OR4K17: variants seen among roughly 807,000 people sequenced by gnomAD.
The protein encoded by OR4K17 is olfactory receptor 4K17.
For synonymous variants in OR4K17, 157 were observed against 132.8 expected (o/e 1.18, Z -1.25); for missense variants, 480 against 366.3 (o/e 1.31, Z -2.53).
chr14:20,117,877 T>C lies in OR4K17; in HGVS notation c.378T>C (p.Ile126=). The change falls in exon 2 of 2, where the codon ATT becomes ATC. Residue 126 remains isoleucine (I), a synonymous_variant. Coordinates refer to ENST00000641386, the MANE Select transcript of OR4K17 (RefSeq NM_001004715.5). The part of the protein sequence containing the change: ...VSMAFDRYVA[I]CKPLHYMTIM... ...TGGCTTTTGACAGATATGTGGCCAT[T>C]TGTAAGCCCCTACACTACATGACCA... The C allele has an allele frequency of 6.2e-7, 1 of 1,614,010 alleles. No homozygotes were observed.
chr14:20,117,362 C>G, intron 1 of OR4K17, 106 bp from the exon 2 acceptor site: 2 of 1,330,906 alleles, frequency 1.5e-6, no homozygotes, highest in Non-Finnish European at 2.1e-6. Flanking sequence ...TTTCAAGGTC[C>G]GTTTATTGAA....
intron 1 of OR4K17, among the ~76,000 whole-genome samples, chr14:20,115,498 A>T (rs1458396570): frequency 4.6e-5 from 7 of 152,100 alleles, no homozygotes; most frequent in African/African-American, 1.7e-4. Flanking sequence ...ATTACATCCT[A>T]TAATTTTCTA....
intron 1 of OR4K17, among the ~76,000 whole-genome samples, chr14:20,113,819 G>A (rs183492675): frequency 8.6e-5 from 13 of 151,944 alleles, no homozygotes; most frequent in Middle Eastern, 3.4e-3. Context: ...GAAGCCAGTC[G>A]TATAGCTCTT....
Position 20,119,992 on chromosome 14 carries a change from A to C in OR4K17, c.*1554A>C, listed in dbSNP as rs1356898628. On this transcript the variant is annotated 3_prime_UTR_variant, in exon 2 of 2. Transcript: ENST00000641386. ...TCAAGATTATTTTTAATGCAGCACC[A>C]AAAATAATAAATTATTGATTTTTAA... 1.3e-5 allele frequency: 2 copies of C among 152,228 alleles called. No individual in the cohort carries two copies. The highest frequency in any genetic ancestry group is 2.4e-5 in the African/African-American group (1 of 41,464). 9.4% of individuals were successfully genotyped at this position (152,228 alleles called of 1,614,324 possible).
chr14:20,117,713 A>G lies in OR4K17; in HGVS notation c.214A>G (p.Thr72Ala). The G allele has an allele frequency of 6.2e-7, 1 of 1,613,922 alleles. No individual in the cohort carries two copies. Among genetic ancestry groups the G allele is most frequent in the Non-Finnish European group, 8.5e-7 (1 of 1,179,962 alleles). ...LLGNLSFVDM[T>A]LASFATPKVI... ...TGGTAATCTCTCTTTTGTAGATATG[A>G]CCCTTGCTTCTTTTGCCACCCCTAA... Residue 72 changes from threonine (T) to alanine (A), a missense_variant, in exon 2 of 2, where the codon ACC (threonine) becomes GCC (alanine). Thr to Ala is a moderately conservative substitution (Grantham distance 58, BLOSUM62 0). Coordinates refer to ENST00000641386, the MANE Select transcript of OR4K17 (RefSeq NM_001004715.5).
chr14:20,115,386 A>G (rs995544856), intron 1 of OR4K17, among the ~76,000 whole-genome samples: 5 of 152,130 alleles, frequency 3.3e-5, no homozygotes, highest in African/African-American at 4.8e-5. Context: ...TGCTTATACA[A>G]TGTTTACAAA....
Position 20,121,195 on chromosome 14 carries a change from C to T in OR4K17, c.*2757C>T, listed in dbSNP as rs1878159536. The T allele has an allele frequency of 6.6e-6, 1 of 152,094 alleles. No individual in the cohort carries two copies. Among genetic ancestry groups the T allele is most frequent in the Non-Finnish European group, 1.5e-5 (1 of 68,028 alleles). The allele number at this position is 152,094 out of a possible 1,614,324, so 9.4% of individuals were successfully genotyped here. On this transcript the variant is annotated 3_prime_UTR_variant, in exon 2 of 2. Coordinates refer to ENST00000641386, the MANE Select transcript of OR4K17 (RefSeq NM_001004715.5). ...TTAAGACAACAAGAAACACCAAAAA[C>T]CAAAAGGGAGTATCACCATGAAAGG...
At position 20,118,081 on chromosome 14, in the gene OR4K17, T is replaced by G; in HGVS notation, c.582T>G (p.Phe194Leu). ...AGCTTGCCTGTATAGACATATATTTTGTACAGGTAGTCATTGTTGCCAACA... is the reference window on the plus strand; with the variant it reads ...AGCTTGCCTGTATAGACATATATTTGGTACAGGTAGTCATTGTTGCCAACA... ...VTKLACIDIYFVQVVIVANSG... is the reference protein window; with the variant it reads ...VTKLACIDIYLVQVVIVANSG... The change falls in exon 2 of 2, where the codon TTT (phenylalanine) becomes TTG (leucine). Residue 194 changes from phenylalanine (F) to leucine (L), a missense_variant. By Grantham distance (22) the Phe-to-Leu change is conservative. Transcript: ENST00000641386. The G allele has an allele frequency of 6.2e-7, 1 of 1,614,174 alleles. No individual in the cohort carries two copies. Among genetic ancestry groups the G allele is most frequent in the South Asian group, 1.1e-5 (1 of 91,088 alleles).
chr14:20,118,083 T>C lies in OR4K17; in HGVS notation c.584T>C (p.Val195Ala), dbSNP rs1346710438. The C allele has an allele frequency of 2.5e-6, 4 of 1,614,052 alleles. No homozygotes were observed. Among genetic ancestry groups the C allele is most frequent in the Non-Finnish European group, 8.5e-7 (1 of 1,180,026 alleles). The change falls in exon 2 of 2, where the codon GTA becomes GCA. Residue 195 changes from valine (V) to alanine (A), a missense_variant. Coordinates refer to ENST00000641386, the MANE Select transcript of OR4K17 (RefSeq NM_001004715.5). The part of the protein sequence containing the change: ...TKLACIDIYF[V>A]QVVIVANSGI... The stretch of plus-strand genomic sequence containing the variant: ...CTTGCCTGTATAGACATATATTTTG[T>C]ACAGGTAGTCATTGTTGCCAACAGT...
Position 20,117,885 on chromosome 14 carries a change from C to T in OR4K17, c.386C>T (p.Pro129Leu), listed in dbSNP as rs1878044562. The change falls in exon 2 of 2, where the codon CCC (proline) becomes CTC (leucine). Residue 129 changes from proline to leucine, a missense_variant. Coordinates refer to ENST00000641386, the MANE Select transcript of OR4K17 (RefSeq NM_001004715.5). ...AFDRYVAICKPLHYMTIMNKK... is the reference protein window; with the variant it reads ...AFDRYVAICKLLHYMTIMNKK... ...GACAGATATGTGGCCATTTGTAAGC[C>T]CCTACACTACATGACCATCATGAAC... The T allele has an allele frequency of 6.2e-7, 1 of 1,613,770 alleles. No individual in the cohort carries two copies. The highest frequency in any genetic ancestry group is 1.3e-5 in the African/African-American group (1 of 74,848).
intron 1 of OR4K17, chr14:20,112,201 T>G (rs530622708): frequency 6.6e-6 from 1 of 152,156 alleles, no homozygotes; most frequent in African/African-American, 2.4e-5. Flanking sequence ...ATTTCAGAAA[T>G]TAAATATTAG....
Position 20,118,501 on chromosome 14 carries a change from G to C in OR4K17, c.*63G>C. ...GATGCCTGTAATCCCCACACTTTGG[G>C]AGGAATATCAGGGGAACCAGCCCCC... On this transcript the variant is annotated 3_prime_UTR_variant, in exon 2 of 2. Coordinates refer to ENST00000641386, the MANE Select transcript of OR4K17 (RefSeq NM_001004715.5). The C allele has an allele frequency of 2.1e-6, 2 of 942,068 alleles. No individual in the cohort carries two copies. The highest frequency in any genetic ancestry group is 1.7e-5 in the South Asian group (1 of 59,170). 58.4% of individuals were successfully genotyped at this position (942,068 alleles called of 1,614,324 possible). A position where few individuals can be genotyped will look rare whatever the true frequency, so the allele number is the denominator to read the frequency against.
At position 20,118,350 on chromosome 14, in the gene OR4K17, C is replaced by T. The variant is rs748536763; in HGVS notation, c.851C>T (p.Pro284Leu). Reference sequence around the variant, plus strand: ...ACCATCATCACTCCTATCTTGAATCCAATTATCTATACTCTGAGAAACAAA... The same window carrying T: ...ACCATCATCACTCCTATCTTGAATCTAATTATCTATACTCTGAGAAACAAA... ...FYTIITPILN[P>L]IIYTLRNKEM... The change falls in exon 2 of 2, where the codon CCA becomes CTA. Residue 284 changes from proline to leucine, a missense_variant. Transcript: ENST00000641386. 80 of 1,611,318 alleles carry T rather than the reference C, an allele frequency of 5.0e-5. No individual in the cohort carries two copies. The highest frequency in any genetic ancestry group is 5.9e-5 in the Non-Finnish European group (70 of 1,177,734).
chr14:20,116,252 G>T (rs1877988385), intron 1 of OR4K17, among the ~76,000 whole-genome samples: 1 of 152,010 alleles, frequency 6.6e-6, no homozygotes, highest in South Asian at 2.1e-4. Context: ...CAGAATACAT[G>T]ACTTTCAATC....
intron 1 of OR4K17, among the ~76,000 whole-genome samples, chr14:20,113,407 G>A (rs1245399181): frequency 6.6e-6 from 1 of 151,964 alleles, no homozygotes; most frequent in African/African-American, 2.4e-5. Context: ...TTGGTGTCAT[G>A]AAGTCCTGAA....
chr14:20,121,657 A>C lies in OR4K17; in HGVS notation c.*3219A>C, dbSNP rs191011770. 6.6e-6 allele frequency: 1 copy of C among 152,072 alleles called. No individual in the cohort carries two copies. Among genetic ancestry groups the C allele is most frequent in the Admixed American group, 6.6e-5 (1 of 15,254 alleles). 9.4% of individuals were successfully genotyped at this position (152,072 alleles called of 1,614,324 possible). On this transcript the variant is annotated 3_prime_UTR_variant, in exon 2 of 2. Coordinates refer to ENST00000641386, the MANE Select transcript of OR4K17 (RefSeq NM_001004715.5). ...AACAAAAAAAATAAAAAATCAAAGC[A>C]TATGCTGGAGAAAATAAACTATGAA...
intron 1 of OR4K17, among the ~76,000 whole-genome samples, chr14:20,112,977 T>A (rs1877913155): frequency 6.6e-6 from 1 of 152,054 alleles, no homozygotes; most frequent in Non-Finnish European, 1.5e-5. Flanking sequence ...AATAGTAATC[T>A]GGTAAACTAT....
rs1341776090 is a variant in OR4K17, at chr14:20,118,869, T to A, written c.*431T>A. 1 of 160,352 alleles carries A rather than the reference T, an allele frequency of 6.2e-6. No homozygotes were observed. Among genetic ancestry groups the A allele is most frequent in the African/African-American group, 2.4e-5 (1 of 41,476 alleles). The allele number at this position is 160,352 out of a possible 1,614,324, so 9.9% of individuals were successfully genotyped here. A position where few individuals can be genotyped will look rare whatever the true frequency, so the allele number is the denominator to read the frequency against. Reference sequence around the variant, plus strand: ...TGCCCCACTGGGCACTCATTGCCATTGATAACATCTTATCAGGAGACAGGG... The same window carrying A: ...TGCCCCACTGGGCACTCATTGCCATAGATAACATCTTATCAGGAGACAGGG... On this transcript the variant is annotated 3_prime_UTR_variant, in exon 2 of 2. Coordinates refer to ENST00000641386, the MANE Select transcript of OR4K17 (RefSeq NM_001004715.5).
At position 20,117,493 on chromosome 14, in the gene OR4K17, G is replaced by A. The variant is rs770314899; in HGVS notation, c.-7G>A. On this transcript the variant is annotated 5_prime_UTR_variant, in exon 2 of 2. The change abolishes an upstream ATG in the 5' untranslated region. Transcript: ENST00000641386. ...GTCATCCAAGAGCGAGCTGTAGGAT[G>A]GAGGCCATGAAACTATTAAATCAAT... 1.9e-6 allele frequency: 3 copies of A among 1,613,614 alleles called. No individual in the cohort carries two copies. Among genetic ancestry groups the A allele is most frequent in the Non-Finnish European group, 2.5e-6 (3 of 1,179,628 alleles).
Sources: gnomAD v4.1 joint callset for allele counts (sites outside exome capture counted in the v4.1 genomes callset) on GRCh38, gnomAD v4.1.1 for gene constraint, MANE v1.5 for transcripts, NCBI Gene and HGNC (gene_info 2026-07-23, HGNC 2026-07-21) for gene names.